The following GALNT13 variants were observed in gnomAD, a reference collection of about 807,000 sequenced individuals.
The protein encoded by GALNT13 is UDP-GalNAc:polypeptide N-acetylgalactosaminyltransferase 13.
A neutral mutation model predicts 64.2 loss-of-function variants in GALNT13; 28 were observed. That is an observed-to-expected ratio of 0.44 (90% CI 0.32 to 0.60). The LOEUF is 0.60. Ranked by LOEUF, GALNT13 falls within the 20% of genes least tolerant of loss-of-function variation. GALNT13 has a pLI of 0.05. For synonymous variants in GALNT13, 214 were observed against 224.6 expected (o/e 0.95, Z 0.42); for missense variants, 577 against 669.8 (o/e 0.86, Z 1.53).
At chr2:154,129,892 C>T (rs1224162827) in intron 3 of GALNT13, among the ~76,000 whole-genome samples, 1 of 152,094 alleles carries the variant, frequency 6.6e-6, no homozygotes, top group Non-Finnish European at 1.5e-5. Context: ...CCCTTACCAG[C>T]TGGCGAACCT....
chr2:153,668,436 C>A, the GALNT13 span, among the ~76,000 whole-genome samples: 1 of 152,016 alleles, frequency 6.6e-6, no homozygotes, highest in Non-Finnish European at 1.5e-5. Flanking sequence ...ATAGAGAAAT[C>A]AATACCAAGA....
chr2:153,302,942 C>G, the GALNT13 span, among the ~76,000 whole-genome samples: 1 of 152,102 alleles, frequency 6.6e-6, no homozygotes, highest in South Asian at 2.1e-4. Flanking sequence ...TTTTTGATTA[C>G]TATAGCTTTG....
rs904902844 is a variant in GALNT13 at position 154,111,341 on chromosome 2, C to T, written c.143-28996C>T. Among the ~76,000 whole-genome samples the T allele has an allele frequency of 1.7e-4, 26 of 152,122 alleles. 1 individual carries two copies. Among genetic ancestry groups the T allele is most frequent in the Admixed American group, 1.6e-3 (24 of 15,266 alleles). On this transcript the variant is annotated intron_variant, in intron 3 of 12. Transcript: ENST00000392825. ...AGGGCATGGTAATATTAAGAGACACCCTGATAGATCTCCTATATATCATGC... is the reference window on the plus strand; with the variant it reads ...AGGGCATGGTAATATTAAGAGACACTCTGATAGATCTCCTATATATCATGC...
chr2:153,400,975 A>T, the GALNT13 span, among the ~76,000 whole-genome samples: 1 of 151,002 alleles, frequency 6.6e-6, no homozygotes, highest in Non-Finnish European at 1.5e-5. Context: ...TAGCTTTTGC[A>T]TGTGTTTGCT....
At chr2:153,541,244 T>G in the GALNT13 span, among the ~76,000 whole-genome samples, 9 of 152,150 alleles carry the variant, frequency 5.9e-5, no homozygotes, top group Non-Finnish European at 1.2e-4. Flanking sequence ...GCTCTGCACT[T>G]CTCCTTCCTG....
intron 4 of GALNT13, among the ~76,000 whole-genome samples, chr2:154,209,115 T>TAA (rs140894644): frequency 0.019 from 2,836 of 150,760 alleles, 75 homozygotes; most frequent in African/African-American, 0.06. Flanking sequence ...ATATTTTTCT[T>TAA]AAAAAAAAAG....
chr2:154,156,952 G>C (rs186093803), intron 4 of GALNT13, among the ~76,000 whole-genome samples: 1 of 152,066 alleles, frequency 6.6e-6, no homozygotes, highest in Non-Finnish European at 1.5e-5. Context: ...TTTGGGAGAC[G>C]GTTCATACAG....
chr2:153,741,492 A>T, the GALNT13 span, among the ~76,000 whole-genome samples: 2,111 of 151,836 alleles, frequency 0.014, 52 homozygotes, highest in African/African-American at 0.048. Flanking sequence ...TATTTTCTTC[A>T]TTTCTTGGTA....
At chr2:154,383,889 TA>T (rs755195833) in intron 9 of GALNT13, among the ~76,000 whole-genome samples, 12 of 138,700 alleles carry the variant, frequency 8.7e-5, no homozygotes, top group Non-Finnish European at 1.7e-4. Context: ...GATATATTTC[TA>T]AAACATACAT....
At chr2:153,992,188 C>A (rs929549911) in intron 3 of GALNT13, among the ~76,000 whole-genome samples, 1 of 152,112 alleles carries the variant, frequency 6.6e-6, no homozygotes, top group African/African-American at 2.4e-5. Context: ...AGAAAAACAG[C>A]AACCACTATG....
chr2:153,727,313 T>G, the GALNT13 span, among the ~76,000 whole-genome samples: 2 of 152,210 alleles, frequency 1.3e-5, no homozygotes, highest in Non-Finnish European at 2.9e-5. Context: ...ACATTTTTGT[T>G]TGTAGTTGTA....
At chr2:153,659,992 A>G in the GALNT13 span, among the ~76,000 whole-genome samples, 2 of 152,170 alleles carry the variant, frequency 1.3e-5, no homozygotes, top group East Asian at 1.9e-4. Context: ...CATGGGCCTT[A>G]CACTATTCTA....
At chr2:153,941,670 C>G (rs906400978) in intron 2 of GALNT13, among the ~76,000 whole-genome samples, 5 of 152,080 alleles carry the variant, frequency 3.3e-5, no homozygotes, top group African/African-American at 1.2e-4. Context: ...CAGTTTTCTT[C>G]TTTTAAGAGG....
intron 11 of GALNT13, chr2:154,436,612 T>G (rs1006613903): frequency 6.6e-6 from 1 of 152,190 alleles, no homozygotes; most frequent in African/African-American, 2.4e-5. Flanking sequence ...AGATTCTCAC[T>G]TGTGTAATTA....
At chr2:153,358,641 C>T in the GALNT13 span, among the ~76,000 whole-genome samples, 1 of 152,088 alleles carries the variant, frequency 6.6e-6, no homozygotes, top group Non-Finnish European at 1.5e-5. Flanking sequence ...TAGGCCAGAG[C>T]AATTCATGTA....
intron 3 of GALNT13, among the ~76,000 whole-genome samples, chr2:154,099,729 A>G (rs1365741415): frequency 2.0e-5 from 3 of 152,064 alleles, no homozygotes; most frequent in Non-Finnish European, 4.4e-5. Flanking sequence ...CTTGAGCCCA[A>G]AAGTTCAAGA....
the GALNT13 span, among the ~76,000 whole-genome samples, chr2:153,605,342 A>G: frequency 6.6e-6 from 1 of 152,040 alleles, no homozygotes; most frequent in Non-Finnish European, 1.5e-5. Context: ...ATGAACAGAG[A>G]CTTTTCAGTT....
the GALNT13 span, among the ~76,000 whole-genome samples, chr2:153,354,522 C>G: frequency 6.6e-6 from 1 of 152,180 alleles, no homozygotes. Context: ...CAACAAGGCT[C>G]TAAAACGTAG....
chr2:153,884,849 A>ATATGTGTGTGTGTGTGTG (rs1574042084), intron 1 of GALNT13, among the ~76,000 whole-genome samples: 1 of 76,456 alleles, frequency 1.3e-5, no homozygotes, highest in African/African-American at 7.1e-5. Flanking sequence ...GTGTGTATAT[A>ATATGTGTGTGTGTGTGTG]TGTATATACA....
Sources: gnomAD v4.1 joint callset for allele counts (sites outside exome capture counted in the v4.1 genomes callset) on GRCh38, gnomAD v4.1.1 for gene constraint, MANE v1.5 for transcripts, NCBI Gene and HGNC (gene_info 2026-07-23, HGNC 2026-07-21) for gene names.